Variants in HS6ST3 observed in about 807,000 individuals in gnomAD.
HS6ST3 encodes heparan-sulfate 6-O-sulfotransferase 3.
Under a neutral mutation model 36.7 loss-of-function variants are expected in HS6ST3, and 12 were observed. The observed-to-expected ratio is 0.33, with a 90% CI of 0.21 to 0.53. HS6ST3 has a LOEUF of 0.53. Ranked by LOEUF, HS6ST3 falls within the 20% of genes least tolerant of loss-of-function variation. The pLI is 0.95. For missense variants in HS6ST3, 584 were observed against 640.9 expected (o/e 0.91, Z 0.96); for synonymous variants, 240 against 257.5 (o/e 0.93, Z 0.65).
intron 1 of HS6ST3, among the ~76,000 whole-genome samples, chr13:96,694,522 A>T (rs1875067735): frequency 6.6e-6 from 1 of 152,182 alleles, no homozygotes; most frequent in Non-Finnish European, 1.5e-5. Flanking sequence ...ATTTATATAG[A>T]TAGAATGATT....
chr13:96,491,078 T>G lies in HS6ST3; in HGVS notation c.708-341412T>G, dbSNP rs557156218. On this transcript the variant is annotated intron_variant, in intron 1 of 1. Coordinates refer to ENST00000376705, the MANE Select transcript of HS6ST3 (RefSeq NM_153456.4). ...GAGACCGTAGGGTATATGATAGTTC[T>G]TAACATGATTTGCCTTCTTGAACTA... Among the ~76,000 whole-genome samples, 249 of 152,324 alleles carry G rather than the reference T, an allele frequency of 1.6e-3. 1 individual carries two copies. The highest frequency in any genetic ancestry group is 0.014 in the Middle Eastern group (4 of 294).
At chr13:96,694,903 T>C (rs1373841451) in intron 1 of HS6ST3, among the ~76,000 whole-genome samples, 1 of 152,180 alleles carries the variant, frequency 6.6e-6, no homozygotes, top group Non-Finnish European at 1.5e-5. Flanking sequence ...TATATGCATG[T>C]GCATACTCAC....
At chr13:96,347,323 A>T (rs2055160749) in intron 1 of HS6ST3, among the ~76,000 whole-genome samples, 1 of 152,218 alleles carries the variant, frequency 6.6e-6, no homozygotes, top group African/African-American at 2.4e-5. Flanking sequence ...TGCCAACAAA[A>T]GCACGTTATG....
chr13:96,578,341 A>G (rs1056850156), intron 1 of HS6ST3, among the ~76,000 whole-genome samples: 1 of 152,102 alleles, frequency 6.6e-6, no homozygotes, highest in African/African-American at 2.4e-5. Context: ...GAAAAATGCC[A>G]AGTTTGGGTC....
intron 1 of HS6ST3, among the ~76,000 whole-genome samples, chr13:96,523,779 A>G (rs756402896): frequency 3.9e-5 from 6 of 152,092 alleles, no homozygotes; most frequent in Non-Finnish European, 7.4e-5. Flanking sequence ...CAAGGTTTTT[A>G]GCTTCCTTGC....
chr13:96,496,556 C>T (rs2055976809), intron 1 of HS6ST3, among the ~76,000 whole-genome samples: 1 of 152,108 alleles, frequency 6.6e-6, no homozygotes, highest in Non-Finnish European at 1.5e-5. Flanking sequence ...ATGGAGAGGC[C>T]ATGTGGAAAG....
At chr13:96,474,258 T>C (rs1297628169) in intron 1 of HS6ST3, among the ~76,000 whole-genome samples, 1 of 152,198 alleles carries the variant, frequency 6.6e-6, no homozygotes, top group Non-Finnish European at 1.5e-5. Context: ...ACTGAGTTGT[T>C]AGTGATGGCA....
At chr13:96,498,209 C>T (rs1414273769) in intron 1 of HS6ST3, among the ~76,000 whole-genome samples, 1 of 152,104 alleles carries the variant, frequency 6.6e-6, no homozygotes, top group Non-Finnish European at 1.5e-5. Flanking sequence ...TTAATGGTAA[C>T]CCAGGGAAGA....
chr13:96,819,591 G>T lies in HS6ST3; in HGVS notation c.708-12899G>T, dbSNP rs757712573. 2.6e-5 allele frequency among the ~76,000 whole-genome samples: 4 copies of T among 152,232 alleles called. No individual in the cohort carries two copies. The East Asian group carries it at 7.7e-4, about 29-fold the overall frequency. On this transcript the variant is annotated intron_variant, in intron 1 of 1. Transcript: ENST00000376705. ...TCAATTGATGACTCAGCACCTTAAG[G>T]TCAGGCCACGCAGTGTACCATTATA...
At chr13:96,570,076 A>G (rs1470359736) in intron 1 of HS6ST3, among the ~76,000 whole-genome samples, 1 of 152,222 alleles carries the variant, frequency 6.6e-6, no homozygotes, top group African/African-American at 2.4e-5. Context: ...GGAATATGCA[A>G]TGTCAACACT....
At chr13:96,622,223 AAAAC>A (rs1009292960) in intron 1 of HS6ST3, among the ~76,000 whole-genome samples, 1 of 152,144 alleles carries the variant, frequency 6.6e-6, no homozygotes, top group Non-Finnish European at 1.5e-5. Context: ...TCAAAAAAAA[AAAAC>A]AAAGTTTTTG....
At chr13:96,452,584 A>T (rs370717768) in intron 1 of HS6ST3, among the ~76,000 whole-genome samples, 1 of 152,214 alleles carries the variant, frequency 6.6e-6, no homozygotes, top group East Asian at 1.9e-4. Context: ...CAGTTCTATC[A>T]GGAATCACAA....
At chr13:96,481,695 C>T (rs1181384830) in intron 1 of HS6ST3, among the ~76,000 whole-genome samples, 2 of 152,134 alleles carry the variant, frequency 1.3e-5, no homozygotes, top group African/African-American at 2.4e-5. Flanking sequence ...CTTTGGGCAA[C>T]TTGCAGCCTC....
At chr13:96,598,821 G>C (rs1235956599) in intron 1 of HS6ST3, among the ~76,000 whole-genome samples, 1 of 151,984 alleles carries the variant, frequency 6.6e-6, no homozygotes, top group Non-Finnish European at 1.5e-5. Context: ...TGTCTTATAT[G>C]GTCTTTATTA....
chr13:96,185,832 G>A (rs1479842103), intron 1 of HS6ST3, among the ~76,000 whole-genome samples: 1 of 152,166 alleles, frequency 6.6e-6, no homozygotes, highest in Non-Finnish European at 1.5e-5. Context: ...TGCCTTAGGT[G>A]GTCATGCGTT....
intron 1 of HS6ST3, among the ~76,000 whole-genome samples, chr13:96,207,080 T>C (rs1397636054): frequency 6.6e-6 from 1 of 151,814 alleles, no homozygotes; most frequent in African/African-American, 2.4e-5. Context: ...ATATCCAGAG[T>C]CTAAAAGGAA....
chr13:96,133,921 T>C (rs1208845729), intron 1 of HS6ST3, among the ~76,000 whole-genome samples: 1 of 151,936 alleles, frequency 6.6e-6, no homozygotes, highest in South Asian at 2.1e-4. Flanking sequence ...GTTGATTAAA[T>C]GGATTAAAAC....
chr13:96,386,954 G>A (rs1397527672), intron 1 of HS6ST3, among the ~76,000 whole-genome samples: 1 of 151,874 alleles, frequency 6.6e-6, no homozygotes, highest in Non-Finnish European at 1.5e-5. Context: ...TTGGAAACAG[G>A]GTCTTATTCT....
intron 1 of HS6ST3, among the ~76,000 whole-genome samples, chr13:96,709,404 C>T (rs2138459644): frequency 6.6e-6 from 1 of 152,292 alleles, no homozygotes; most frequent in African/African-American, 2.4e-5. Flanking sequence ...GTGTCTTATT[C>T]ATCTTTGCGT....
Sources: allele counts gnomAD v4.1 joint callset (sites outside exome capture counted in the v4.1 genomes callset), GRCh38; gene constraint gnomAD v4.1.1; transcripts MANE v1.5; gene names NCBI Gene and HGNC (gene_info 2026-07-23, HGNC 2026-07-21).